Variants in RORB observed in about 807,000 individuals in gnomAD.
RORB encodes the protein nuclear receptor ROR-beta.
Under a neutral mutation model 59.1 loss-of-function variants are expected in RORB, and 6 were observed. That is an observed-to-expected ratio of 0.10 (90% CI 0.06 to 0.20). The LOEUF (loss-of-function observed/expected upper bound fraction) is 0.20. Among genes scored for constraint, RORB ranks in the 10% least tolerant of loss-of-function variants. The pLI, the probability that RORB is intolerant of heterozygous loss-of-function variation, is 1.00. For synonymous variants in RORB, 215 were observed against 204.5 expected, an observed-to-expected ratio of 1.05 and a Z score of -0.44; for missense variants, 320 against 560.5, an observed-to-expected ratio of 0.57 and a Z score of 4.33.
At chr9:74,627,038 G>A (rs1416070321) in intron 1 of RORB, among the ~76,000 whole-genome samples, 1 of 151,840 alleles carries the variant, frequency 6.6e-6, no homozygotes, top group Admixed American at 6.6e-5. Flanking sequence ...GGCACACACC[G>A]GTAGTCCCAG....
intron 3 of RORB, among the ~76,000 whole-genome samples, chr9:74,635,787 A>G (rs967344833): frequency 6.6e-6 from 1 of 152,152 alleles, no homozygotes; most frequent in Non-Finnish European, 1.5e-5. Flanking sequence ...TCAAGGCTGT[A>G]TAGACACACA....
At chr9:74,601,454 C>T (rs1823054820) in intron 1 of RORB, among the ~76,000 whole-genome samples, 1 of 151,514 alleles carries the variant, frequency 6.6e-6, no homozygotes, top group African/African-American at 2.4e-5. Context: ...GCCTAACCAT[C>T]TCCCCAAGGC....
chr9:74,606,574 A>C (rs915243991), intron 1 of RORB, among the ~76,000 whole-genome samples: 2 of 152,218 alleles, frequency 1.3e-5, no homozygotes, highest in African/African-American at 2.4e-5. Context: ...TGGGCTGCAC[A>C]CAGAGATAAT....
chr9:74,567,405 A>G (rs1000660448), intron 1 of RORB, among the ~76,000 whole-genome samples: 2 of 152,178 alleles, frequency 1.3e-5, no homozygotes, highest in Middle Eastern at 3.2e-3. Context: ...ACAGAGATTG[A>G]CACAAGACAA....
intron 1 of RORB, among the ~76,000 whole-genome samples, chr9:74,538,586 A>G (rs1826357310): frequency 6.6e-6 from 1 of 152,128 alleles, no homozygotes; most frequent in South Asian, 2.1e-4. Context: ...ATTATTTATT[A>G]GCAATTATTA....
At chr9:74,634,398 GGAAT>G (rs572204246) in intron 2 of RORB, among the ~76,000 whole-genome samples, 5 of 152,134 alleles carry the variant, frequency 3.3e-5, no homozygotes, top group South Asian at 2.1e-4. Context: ...ATTGATTCAA[GGAAT>G]GAATGAATGA....
chr9:74,565,356 A>G (rs1387517999), intron 1 of RORB, among the ~76,000 whole-genome samples: 1 of 152,192 alleles, frequency 6.6e-6, no homozygotes, highest in Non-Finnish European at 1.5e-5. Context: ...TTTAACATCT[A>G]GTAACTTTGA....
At chr9:74,669,907 A>G (rs566106874) in intron 8 of RORB, among the ~76,000 whole-genome samples, 1 of 152,300 alleles carries the variant, frequency 6.6e-6, no homozygotes, top group East Asian at 1.9e-4. Flanking sequence ...GTTAGGCTTT[A>G]TTATTCCTAA....
At chr9:74,668,053 G>A (rs2118533726) in intron 8 of RORB, 152 bp downstream of exon 8, 1 of 593,744 alleles carries the variant, frequency 1.7e-6, no homozygotes, top group Non-Finnish European at 3.0e-6. Flanking sequence ...ACAGTGAAAA[G>A]GGAAGTAGCC....
intron 1 of RORB, among the ~76,000 whole-genome samples, chr9:74,593,589 G>C (rs959868077): frequency 3.9e-5 from 6 of 152,000 alleles, no homozygotes; most frequent in African/African-American, 1.5e-4. Flanking sequence ...CCTATGCTGA[G>C]TCTATTTTTA....
At chr9:74,682,763 A>G (rs1824567977) in intron 9 of RORB, among the ~76,000 whole-genome samples, 1 of 152,196 alleles carries the variant, frequency 6.6e-6, no homozygotes, top group South Asian at 2.1e-4. Flanking sequence ...TACTTTTTTA[A>G]GAATTTTCTT....
At chr9:74,618,370 T>C (rs1823347443) in intron 1 of RORB, among the ~76,000 whole-genome samples, 1 of 152,188 alleles carries the variant, frequency 6.6e-6, no homozygotes, top group South Asian at 2.1e-4. Flanking sequence ...ATTCTAATCT[T>C]ACATGGACAT....
At chr9:74,513,094 G>A (rs566578696) in intron 1 of RORB, among the ~76,000 whole-genome samples, 38 of 152,244 alleles carry the variant, frequency 2.5e-4, no homozygotes, top group Admixed American at 9.8e-4. Flanking sequence ...AATGCTATGT[G>A]ATTTGAGGCA....
In RORB at chr9:74,685,583, C is replaced by A; in HGVS notation, c.1345C>A (p.Leu449Ile). Reference protein sequence around the residue: ...NTLFPPLYKELFNPDCATGCK With the variant: ...NTLFPPLYKEIFNPDCATGCK ...ACTGTTTCCTCCGTTATACAAGGAG[C>A]TCTTTAATCCTGACTGTGCCACCGG... Residue 449 changes from leucine to isoleucine, a missense_variant, in exon 10 of 10, where the codon CTC (leucine) becomes ATC (isoleucine). By Grantham distance (5) the Leu-to-Ile change is conservative. Around this residue, in one of 4 missense-constraint regions of RORB, gnomAD observed 109 missense variants for 171.0 expected, o/e 0.64. Transcript: ENST00000376896. 1 of 1,606,050 alleles carries A rather than the reference C, an allele frequency of 6.2e-7. No individual in the cohort carries two copies. Among genetic ancestry groups the A allele is most frequent in the South Asian group, 1.1e-5 (1 of 90,580 alleles).
chr9:74,630,099 T>C (rs538996382), intron 1 of RORB, 183 bp from the exon 2 acceptor site: 118 of 320,908 alleles, frequency 3.7e-4, no homozygotes, highest in African/African-American at 2.5e-3. Flanking sequence ...AGAAATGTAC[T>C]TTGACTTAGA....
chr9:74,643,420 T>A (rs1289146771), intron 4 of RORB, among the ~76,000 whole-genome samples: 4 of 152,152 alleles, frequency 2.6e-5, no homozygotes, highest in Non-Finnish European at 4.4e-5. Context: ...ACAAATAAGC[T>A]AGTCATAGGC....
intron 1 of RORB, among the ~76,000 whole-genome samples, chr9:74,533,128 C>T (rs1431579020): frequency 6.6e-6 from 1 of 151,790 alleles, no homozygotes; most frequent in East Asian, 1.9e-4. Context: ...ACTCTGTAGG[C>T]ACTTGTGTTT....
Position 74,597,787 on chromosome 9 carries a change from C to T in RORB, c.8-32495C>T, listed in dbSNP as rs371652672. ...CAGCCTGACCAACATGGAGAAACCCCGTCTCTACTAAAAATACAAAATTAG... is the reference window on the plus strand; with the variant it reads ...CAGCCTGACCAACATGGAGAAACCCTGTCTCTACTAAAAATACAAAATTAG... On this transcript the variant is annotated intron_variant, in intron 1 of 9. Coordinates refer to ENST00000376896, the MANE Select transcript of RORB (RefSeq NM_006914.4). Among the ~76,000 whole-genome samples, 83 of 152,054 alleles carry T rather than the reference C, an allele frequency of 5.5e-4. 2 individuals carry two copies. In the East Asian group the frequency reaches 0.014, roughly 25 times the overall value.
At chr9:74,681,593 G>T (rs975664924) in intron 9 of RORB, among the ~76,000 whole-genome samples, 2 of 152,148 alleles carry the variant, frequency 1.3e-5, no homozygotes, top group African/African-American at 4.8e-5. Context: ...GATCCAAATC[G>T]CATAAAAGAA....
Sources: gnomAD v4.1 joint callset for allele counts (sites outside exome capture counted in the v4.1 genomes callset) on GRCh38, gnomAD v4.1.1 for gene constraint, gnomAD v4.1.1 regional missense constraint, MANE v1.5 for transcripts, NCBI Gene and HGNC (gene_info 2026-07-23, HGNC 2026-07-21) for gene names.